The following SMYD1 variants were observed in gnomAD, a reference collection of about 807,000 sequenced individuals.
The protein encoded by SMYD1 is SET and MYND domain containing 1, also known as histone-lysine N-methyltransferase SMYD1.
In SMYD1, 49 loss-of-function variants were observed where a neutral mutation model predicts 54.0. That is an observed-to-expected ratio of 0.91 (90% CI 0.72 to 1.15). The LOEUF (loss-of-function observed/expected upper bound fraction) is 1.15. Among genes scored for constraint, SMYD1 ranks in the 50% most tolerant of loss-of-function variants. The pLI is 0.00. For missense variants in SMYD1, 653 were observed against 639.6 expected (o/e 1.02, Z -0.23); for synonymous variants, 269 against 234.2 (o/e 1.15, Z -1.36).
intron 7 of SMYD1, among the ~76,000 whole-genome samples, chr2:88,104,641 C>T (rs1301891210): frequency 3.3e-5 from 5 of 152,208 alleles, no homozygotes; most frequent in East Asian, 1.9e-4. Context: ...TTCCACTCCC[C>T]GCCACCTCGG....
chr2:88,081,499 C>T (rs549124445), intron 1 of SMYD1, among the ~76,000 whole-genome samples: 5 of 151,074 alleles, frequency 3.3e-5, no homozygotes, highest in Middle Eastern at 3.4e-3. Context: ...TGCTGTGGCA[C>T]GATCTTGGCT....
intron 8 of SMYD1, 34 bp from the exon 9 acceptor site, chr2:88,108,337 G>C: frequency 9.2e-6 from 14 of 1,514,286 alleles, no homozygotes; most frequent in Non-Finnish European, 1.2e-5. Context: ...AGGGTGATTG[G>C]TATGATGTAT....
chr2:88,090,934 T>C, intron 3 of SMYD1, 78 bp from the exon 4 acceptor site: 1 of 1,514,916 alleles, frequency 6.6e-7, no homozygotes, highest in Non-Finnish European at 8.9e-7. Flanking sequence ...CTTCTGTTTT[T>C]TAAAACTCCT....
intron 1 of SMYD1, among the ~76,000 whole-genome samples, chr2:88,068,611 G>GT (rs201974675): frequency 0.17 from 23,203 of 136,518 alleles, 3,351 homozygotes; most frequent in African/African-American, 0.4. Context: ...AGTCTGTCTG[G>GT]TTTTTTTTTT....
chr2:88,072,628 T>C (rs891444552), intron 1 of SMYD1, among the ~76,000 whole-genome samples: 2 of 152,230 alleles, frequency 1.3e-5, no homozygotes, highest in African/African-American at 4.8e-5. Context: ...TCATAATGTA[T>C]CCTAAAATCT....
chr2:88,068,611 G>GTT lies in SMYD1; in HGVS notation c.137+625_137+626dup, dbSNP rs201974675. 4.9e-3 allele frequency among the ~76,000 whole-genome samples: 673 copies of GTT among 136,620 alleles called. 5 individuals are homozygous for GTT. Among genetic ancestry groups the GTT allele is most frequent in the African/African-American group, 0.016 (618 of 38,232 alleles). The allele number at this position is 136,620 out of a possible 152,430, so 89.6% of individuals were successfully genotyped here. On this transcript the variant is annotated intron_variant, in intron 1 of 9. Transcript: ENST00000419482. The stretch of plus-strand genomic sequence containing the variant: ...AAGATGGATGGCTGTAGTCTGTCTG[G>GTT]TTTTTTTTTTTTTTTTACAGAAATG...
At chr2:88,068,449 A>G (rs1185405623) in intron 1 of SMYD1, among the ~76,000 whole-genome samples, 1 of 152,172 alleles carries the variant, frequency 6.6e-6, no homozygotes, top group Non-Finnish European at 1.5e-5. Flanking sequence ...CCAGGAATCC[A>G]CTTTCCCTTG....
At chr2:88,088,333 C>T (rs750384236) in intron 3 of SMYD1, among the ~76,000 whole-genome samples, 2 of 152,194 alleles carry the variant, frequency 1.3e-5, no homozygotes, top group Non-Finnish European at 2.9e-5. Flanking sequence ...GACAGGCCTC[C>T]AAATGACCCA....
intron 1 of SMYD1, among the ~76,000 whole-genome samples, chr2:88,070,140 C>T (rs989019181): frequency 1.3e-5 from 2 of 151,390 alleles, no homozygotes; most frequent in Admixed American, 1.3e-4. Flanking sequence ...TCAAAAAATG[C>T]TTTACCCAAA....
intron 4 of SMYD1, among the ~76,000 whole-genome samples, chr2:88,092,186 C>T (rs1674477351): frequency 6.6e-6 from 1 of 152,118 alleles, no homozygotes; most frequent in Non-Finnish European, 1.5e-5. Context: ...TTGGCCAAAC[C>T]CCAACCAGAA....
chr2:88,105,464 G>A (rs1162527614), intron 7 of SMYD1, among the ~76,000 whole-genome samples: 2 of 151,978 alleles, frequency 1.3e-5, no homozygotes, highest in Non-Finnish European at 2.9e-5. Flanking sequence ...AGATGCTCAA[G>A]TACCTTGTAA....
intron 6 of SMYD1, among the ~76,000 whole-genome samples, chr2:88,099,926 C>T (rs953549258): frequency 3.3e-5 from 5 of 150,994 alleles, no homozygotes; most frequent in African/African-American, 1.2e-4. Flanking sequence ...TGGCCCCTCC[C>T]CTTATCCTCT....
intron 1 of SMYD1, among the ~76,000 whole-genome samples, chr2:88,077,084 G>A (rs1033196636): frequency 9.9e-5 from 15 of 151,938 alleles, no homozygotes; most frequent in African/African-American, 3.6e-4. Flanking sequence ...GAGTTTGTAA[G>A]CATCCCTGAA....
In SMYD1 at chr2:88,067,874, G is replaced by A; in HGVS notation, c.10G>A (p.Gly4Arg). 6.2e-7 allele frequency: 1 copy of A among 1,613,944 alleles called. No individual in the cohort carries two copies. The highest frequency in any genetic ancestry group is 1.1e-5 in the South Asian group (1 of 91,048). The change falls in exon 1 of 10, where the codon GGG (glycine) becomes AGG (arginine). Residue 4 changes from glycine to arginine, a missense_variant. Coordinates refer to ENST00000419482, the MANE Select transcript of SMYD1 (RefSeq NM_198274.4). The part of the protein sequence containing the change: MTI[G>R]RMENVEVFTA... ...CCTGACAGTCTCTGAGATGACAATA[G>A]GGAGAATGGAGAACGTGGAGGTCTT...
chr2:88,083,186 C>T (rs1460866584), intron 1 of SMYD1: 1 of 152,140 alleles, frequency 6.6e-6, no homozygotes, highest in Admixed American at 6.5e-5. Context: ...CTGCACATCA[C>T]GGAAATGGTT....
At chr2:88,074,972 C>T (rs905371439) in intron 1 of SMYD1, among the ~76,000 whole-genome samples, 2 of 152,170 alleles carry the variant, frequency 1.3e-5, no homozygotes, top group Non-Finnish European at 2.9e-5. Flanking sequence ...AATCTGATAA[C>T]AGCTGGTGGT....
Position 88,087,856 on chromosome 2 carries a change from C to A in SMYD1, c.315-6C>A. The stretch of plus-strand genomic sequence containing the variant: ...TAGTGGCCTCCTGACGCTGCCCTTC[C>A]CACAGGCTGGCGGCGCGCATCATGT... On this transcript the variant is annotated splice_region_variant and splice_polypyrimidine_tract_variant and intron_variant, in intron 2 of 9. Transcript: ENST00000419482. The A allele has an allele frequency of 6.4e-7, 1 of 1,560,670 alleles. No homozygotes were observed. The highest frequency in any genetic ancestry group is 8.7e-7 in the Non-Finnish European group (1 of 1,152,542).
chr2:88,113,267 A>G lies in SMYD1; in HGVS notation c.*2755A>G, dbSNP rs1675071366. 1 of 152,226 alleles carries G rather than the reference A, an allele frequency of 6.6e-6. No homozygotes were observed. The highest frequency in any genetic ancestry group is 2.4e-5 in the African/African-American group (1 of 41,450). 9.4% of individuals were successfully genotyped at this position (152,226 alleles called of 1,614,324 possible). ...TGTGTGTTGAATAAATGAATGAATG[A>G]ATGAACAAATGAATGAATTTGCTTA... On this transcript the variant is annotated 3_prime_UTR_variant, in exon 10 of 10. Coordinates refer to ENST00000419482, the MANE Select transcript of SMYD1 (RefSeq NM_198274.4).
In SMYD1 at chr2:88,108,370, G is replaced by A; in HGVS notation, c.1146-1G>A. The A allele has an allele frequency of 6.3e-7, 1 of 1,579,284 alleles. No individual in the cohort carries two copies. Among genetic ancestry groups the A allele is most frequent in the Non-Finnish European group, 8.6e-7 (1 of 1,165,488 alleles). On this transcript the variant is annotated splice_acceptor_variant, in intron 8 of 9. Transcript: ENST00000419482. LOFTEE classifies it high-confidence loss of function. ...TATAATTATCTGCTATGCTCCCACAGGAAGCTCTACCACCCCAACAATGCC... is the reference window on the plus strand; with the variant it reads ...TATAATTATCTGCTATGCTCCCACAAGAAGCTCTACCACCCCAACAATGCC...
Sources: allele counts gnomAD v4.1 joint callset (sites outside exome capture counted in the v4.1 genomes callset), GRCh38; gene constraint gnomAD v4.1.1; transcripts MANE v1.5; gene names NCBI Gene and HGNC (gene_info 2026-07-23, HGNC 2026-07-21).